CTDP1: variants seen among roughly 807,000 people sequenced by gnomAD.
CTDP1 encodes the protein RNA polymerase II subunit A C-terminal domain phosphatase.
A neutral mutation model predicts 91.8 loss-of-function variants in CTDP1; 47 were observed. The ratio of observed to expected loss-of-function variants is 0.51; its 90% confidence interval spans 0.41 to 0.65. The LOEUF is 0.65. Among genes scored for constraint, CTDP1 ranks in the 30% least tolerant of loss-of-function variants. The pLI, the probability that CTDP1 is intolerant of heterozygous loss-of-function variation, is 0.00. For missense variants in CTDP1, 1,272 were observed against 1,373.7 expected, an observed-to-expected ratio of 0.93 and a Z score of 1.17; for synonymous variants, 656 against 598.5, an observed-to-expected ratio of 1.10 and a Z score of -1.40.
intron 6 of CTDP1, 39 bp from the exon 7 acceptor site, chr18:79,712,933 C>A (rs1568192658): frequency 1.2e-6 from 2 of 1,604,148 alleles, no homozygotes. Context: ...TACAACTTTT[C>A]ATTATTATTT....
rs774116308 is a variant in CTDP1 at position 79,728,956 on chromosome 18, G to C, written c.2467G>C (p.Ala823Pro). ...GATGTTTGGTGAAGAGCTGCCTGAC[G>C]CTCAGGACGGAGAGCAGCCTGGCCC... ...PQMFGEELPD[A>P]QDGEQPGPSR... Residue 823 changes from alanine (A) to proline (P), a missense_variant, in exon 11 of 13, where the codon GCT (alanine) becomes CCT (proline). Physicochemically the swap from Ala to Pro is conservative, Grantham distance 27 (BLOSUM62 -1). This residue lies in a region of CTDP1 where 881 missense variants were observed against 911.6 expected (regional missense o/e 0.97). Coordinates refer to ENST00000613122, the MANE Select transcript of CTDP1 (RefSeq NM_004715.5). 1.2e-6 allele frequency: 2 copies of C among 1,614,170 alleles called. No individual in the cohort carries two copies. The highest frequency in any genetic ancestry group is 1.3e-5 in the African/African-American group (1 of 75,062).
At chr18:79,679,327 T>C (rs938099012), upstream of CTDP1, 7 of 438,120 alleles carry the variant, frequency 1.6e-5, no homozygotes, top group South Asian at 9.5e-5. Context: ...GCCGACAGCC[T>C]CACGTCTCTG....
At chr18:79,733,015 G>A (rs1303426970) in intron 11 of CTDP1, among the ~76,000 whole-genome samples, 1 of 152,232 alleles carries the variant, frequency 6.6e-6, no homozygotes, top group African/African-American at 2.4e-5. Flanking sequence ...TCTAAAGCAT[G>A]CACCCCCACA....
Position 79,714,652 on chromosome 18 carries a change from C to G in CTDP1, c.1192C>G (p.Pro398Ala), listed in dbSNP as rs748500916. The part of the protein sequence containing the change: ...EAATPRDSPR[P>A]GKPDERDIWP... ...CGCCACCCCGCGGGACTCACCCCGC[C>G]CCGGGAAGCCAGACGAGAGGGACAT... The change falls in exon 8 of 13, where the codon CCC (proline) becomes GCC (alanine). Residue 398 changes from proline (P) to alanine (A), a missense_variant. By Grantham distance (27) the Pro-to-Ala change is conservative. Coordinates refer to ENST00000613122, the MANE Select transcript of CTDP1 (RefSeq NM_004715.5). 1 of 1,612,160 alleles carries G rather than the reference C, an allele frequency of 6.2e-7. No individual in the cohort carries two copies. Among genetic ancestry groups the G allele is most frequent in the South Asian group, 1.1e-5 (1 of 91,034 alleles).
chr18:79,751,447 T>C lies in CTDP1; in HGVS notation c.2748-2205T>C, dbSNP rs146341862. Among the ~76,000 whole-genome samples the C allele has an allele frequency of 1.6e-4, 25 of 152,274 alleles. No homozygotes were observed. In the East Asian group the frequency reaches 3.9e-3, roughly 24 times the overall value. ...TTCTGGGGCCCTTGTGTTTCTCTCATGCGGTATTTCCTGGACCACGAACAG... is the reference window on the plus strand; with the variant it reads ...TTCTGGGGCCCTTGTGTTTCTCTCACGCGGTATTTCCTGGACCACGAACAG... On this transcript the variant is annotated intron_variant, in intron 12 of 12. Transcript: ENST00000613122.
chr18:79,709,760 ATAGT>A (rs1161627919), intron 5 of CTDP1, among the ~76,000 whole-genome samples: 1 of 152,220 alleles, frequency 6.6e-6, no homozygotes, highest in Non-Finnish European at 1.5e-5. Flanking sequence ...AACGTGTATA[ATAGT>A]TAGAAATAAC....
In CTDP1 at chr18:79,679,833, G is replaced by T; in HGVS notation, c.-115G>T. On this transcript the variant is annotated 5_prime_UTR_variant, in exon 1 of 13. Transcript: ENST00000613122. ...GGCGCGGGCTAGGCGACGGGTGGAA[G>T]CCGGTACCGAGAGGAACTACAGCGT... 4 of 1,046,220 alleles carry T rather than the reference G, an allele frequency of 3.8e-6. No homozygotes were observed. Among genetic ancestry groups the T allele is most frequent in the Non-Finnish European group, 5.2e-6 (4 of 767,630 alleles). 64.8% of individuals were successfully genotyped at this position (1,046,220 alleles called of 1,614,324 possible). A position where few individuals can be genotyped will look rare whatever the true frequency, so the allele number is the denominator to read the frequency against.
chr18:79,748,173 A>C (rs1250042875), intron 12 of CTDP1, among the ~76,000 whole-genome samples: 1 of 152,248 alleles, frequency 6.6e-6, no homozygotes, highest in Non-Finnish European at 1.5e-5. Flanking sequence ...GACATTTACT[A>C]ACCATAGTCT....
At chr18:79,725,432 C>T (rs1360481618) in intron 10 of CTDP1, among the ~76,000 whole-genome samples, 2 of 152,116 alleles carry the variant, frequency 1.3e-5, no homozygotes, top group Middle Eastern at 3.2e-3. Context: ...TATTCATTTT[C>T]CTTAACAGTT....
chr18:79,683,895 C>T (rs568566068), intron 1 of CTDP1, among the ~76,000 whole-genome samples: 30 of 152,364 alleles, frequency 2.0e-4, no homozygotes, highest in Middle Eastern at 3.4e-3. Flanking sequence ...GAATTAGCTT[C>T]TGGCCCAGGA....
intron 3 of CTDP1, among the ~76,000 whole-genome samples, 181 bp downstream of exon 3, chr18:79,696,251 T>G (rs917308089): frequency 6.6e-6 from 1 of 152,176 alleles, no homozygotes; most frequent in African/African-American, 2.4e-5. Flanking sequence ...ACGGTTGCCC[T>G]TGGTTCTCCA....
downstream of CTDP1, chr18:79,755,016 G>A (rs1355563240): frequency 2.0e-5 from 3 of 152,482 alleles, no homozygotes; most frequent in South Asian, 4.1e-4. Flanking sequence ...TCCATCCACA[G>A]GATGTGGCTC....
At chr18:79,684,758 A>C (rs1386540167) in intron 1 of CTDP1, among the ~76,000 whole-genome samples, 1 of 152,256 alleles carries the variant, frequency 6.6e-6, no homozygotes, top group African/African-American at 2.4e-5. Context: ...GTGAAGTTAC[A>C]ATAGTCACTA....
chr18:79,747,874 C>G (rs1568221175), intron 12 of CTDP1, among the ~76,000 whole-genome samples: 2 of 152,184 alleles, frequency 1.3e-5, no homozygotes, highest in African/African-American at 4.8e-5. Context: ...TGGTGTGACA[C>G]AATTGTGCAT....
chr18:79,730,705 C>T (rs941121855), intron 11 of CTDP1, among the ~76,000 whole-genome samples: 6 of 152,200 alleles, frequency 3.9e-5, no homozygotes, highest in African/African-American at 1.4e-4. Flanking sequence ...CTCTGTGAGT[C>T]CTGGGCCCTT....
At chr18:79,750,458 C>T (rs75658786) in intron 12 of CTDP1, among the ~76,000 whole-genome samples, 3,253 of 151,892 alleles carry the variant, frequency 0.021, 64 homozygotes, top group South Asian at 0.092. Context: ...AAAACTTGGA[C>T]GGCAGGTATT....
At chr18:79,754,834 C>T (rs1007683953), downstream of CTDP1, 1 of 152,320 alleles carries the variant, frequency 6.6e-6, no homozygotes. Flanking sequence ...CAGGACCCCT[C>T]CCGGCCAGCA....
downstream of CTDP1, chr18:79,755,833 G>A (rs1459217605): frequency 3.3e-5 from 5 of 152,806 alleles, no homozygotes; most frequent in East Asian, 9.6e-4. Context: ...TCTGGCCTAG[G>A]GGTGAAGAGG....
intron 10 of CTDP1, among the ~76,000 whole-genome samples, chr18:79,718,483 G>T (rs925771992): frequency 6.6e-6 from 1 of 152,194 alleles, no homozygotes; most frequent in Non-Finnish European, 1.5e-5. Context: ...GTGGCGGCTG[G>T]TAAACAGCAC....
Sources: gnomAD v4.1 joint callset for allele counts (sites outside exome capture counted in the v4.1 genomes callset) on GRCh38, gnomAD v4.1.1 for gene constraint, gnomAD v4.1.1 regional missense constraint, MANE v1.5 for transcripts, NCBI Gene and HGNC (gene_info 2026-07-23, HGNC 2026-07-21) for gene names.